Variants in MTDH observed in about 807,000 individuals in gnomAD.
MTDH encodes metadherin.
MTDH carries 34 observed loss-of-function variants against 72.7 expected under a neutral mutation model. That is an observed-to-expected ratio of 0.47 (90% CI 0.36 to 0.62). The LOEUF (loss-of-function observed/expected upper bound fraction) is 0.62, where lower values mean the gene tolerates loss of function less well. MTDH is among the 20% of genes least tolerant of loss of function. The pLI is 0.00. For synonymous variants in MTDH, 266 were observed against 268.9 expected (o/e 0.99, Z 0.10); for missense variants, 677 against 699.4 (o/e 0.97, Z 0.36).
In MTDH at chr8:97,682,245, TATATATATATATATATA is replaced by T. The variant is rs1813128338; in HGVS notation, c.484-4422_484-4406del. ...GTTAATTACTTTATATATATATATA[TATATATATATATATATA>T]TATATATATATATATATATTTTTTT... On this transcript the variant is annotated intron_variant, in intron 2 of 11. Transcript: ENST00000336273. Among the ~76,000 whole-genome samples the T allele has an allele frequency of 4.1e-4, 5 of 12,138 alleles. 1 individual carries two copies. The highest frequency in any genetic ancestry group is 1.1e-3 in the East Asian group (1 of 922). The allele number at this position is 12,138 out of a possible 152,430, so 8.0% of individuals were successfully genotyped here. A position where few individuals can be genotyped will look rare whatever the true frequency, so the allele number is the denominator to read the frequency against.
chr8:97,682,249 TATATA>T (rs1813136866), intron 2 of MTDH, among the ~76,000 whole-genome samples: 1 of 5,960 alleles, frequency 1.7e-4, no homozygotes, highest in East Asian at 4.1e-3. Flanking sequence ...TATATATATA[TATATA>T]TATATATATA....
In MTDH at chr8:97,644,624, C is replaced by G. The variant is rs1811486113; in HGVS notation, c.118C>G (p.Leu40Val). 6.2e-7 allele frequency: 1 copy of G among 1,610,196 alleles called. No individual in the cohort carries two copies. The highest frequency in any genetic ancestry group is 8.5e-7 in the Non-Finnish European group (1 of 1,179,276). The stretch of plus-strand genomic sequence containing the variant: ...TCTGCGCACCGAGCTGGGCCTCGAC[C>G]TGGGGCTGGAGCCGAAACGGTACCC... Reference protein sequence around the residue: ...GFLRTELGLDLGLEPKRYPGW... With the variant: ...GFLRTELGLDVGLEPKRYPGW... The change falls in exon 1 of 12, where the codon CTG becomes GTG. Residue 40 changes from leucine to valine, a missense_variant. Physicochemically the swap from Leu to Val is conservative, Grantham distance 32 (BLOSUM62 1). Transcript: ENST00000336273.
At chr8:97,663,403 A>G (rs995155351) in intron 2 of MTDH, among the ~76,000 whole-genome samples, 1 of 152,196 alleles carries the variant, frequency 6.6e-6, no homozygotes, top group Non-Finnish European at 1.5e-5. Flanking sequence ...AAATATACTT[A>G]CATATCTAGT....
intron 7 of MTDH, among the ~76,000 whole-genome samples, chr8:97,701,252 G>A (rs1158883042): frequency 1.3e-5 from 2 of 152,046 alleles, no homozygotes; most frequent in Non-Finnish European, 2.9e-5. Context: ...ACCCCCCTCA[G>A]GTACCAAAAT....
At chr8:97,679,550 C>G (rs1260221357) in intron 2 of MTDH, among the ~76,000 whole-genome samples, 4 of 152,064 alleles carry the variant, frequency 2.6e-5, no homozygotes, top group Non-Finnish European at 5.9e-5. Context: ...CCATTTTGAT[C>G]TTCTTACTTT....
Position 97,661,105 on chromosome 8 carries a change from G to A in MTDH, c.415G>A (p.Glu139Lys). ...NGRTVEVAEG[E>K]AVRTPQSVTA... ...GCGGACTGTTGAAGTGGCTGAGGGT[G>A]AAGCTGTTCGAACACCTCAAAGTGT... The change falls in exon 2 of 12, where the codon GAA becomes AAA. Residue 139 changes from glutamate (E) to lysine (K), a missense_variant. Physicochemically the swap from Glu to Lys is moderately conservative, Grantham distance 56. Coordinates refer to ENST00000336273, the MANE Select transcript of MTDH (RefSeq NM_178812.4). The A allele has an allele frequency of 1.2e-6, 2 of 1,613,288 alleles. No homozygotes were observed. Among genetic ancestry groups the A allele is most frequent in the Non-Finnish European group, 1.7e-6 (2 of 1,179,594 alleles).
intron 10 of MTDH, among the ~76,000 whole-genome samples, chr8:97,720,156 G>A (rs1815053378): frequency 6.6e-6 from 1 of 152,214 alleles, no homozygotes; most frequent in Non-Finnish European, 1.5e-5. Flanking sequence ...GTGGTGGCAG[G>A]CACCTGTAAT....
In MTDH at chr8:97,674,694, A is replaced by G. The variant is rs536549665; in HGVS notation, c.484-11974A>G. On this transcript the variant is annotated intron_variant, in intron 2 of 11. Transcript: ENST00000336273. ...AAAATGAAAATGTTGACACAATAGA[A>G]GTAGAAAAAACAAAAATCTCAGAAA... Among the ~76,000 whole-genome samples the G allele has an allele frequency of 9.2e-5, 14 of 152,396 alleles. No individual in the cohort carries two copies. The South Asian group carries it at 2.9e-3, about 32-fold the overall frequency.
At chr8:97,673,628 C>G (rs1455679893) in intron 2 of MTDH, among the ~76,000 whole-genome samples, 2 of 151,164 alleles carry the variant, frequency 1.3e-5, no homozygotes, top group Non-Finnish European at 2.9e-5. Flanking sequence ...CTGTTGCACT[C>G]CAGCCTGGGC....
intron 1 of MTDH, among the ~76,000 whole-genome samples, chr8:97,653,349 G>A (rs1231738955): frequency 1.3e-5 from 2 of 152,158 alleles, no homozygotes; most frequent in African/African-American, 4.8e-5. Context: ...CATGTTCCAG[G>A]ATATTAAATT....
intron 2 of MTDH, among the ~76,000 whole-genome samples, chr8:97,680,003 C>T (rs966817052): frequency 5.3e-5 from 8 of 152,118 alleles, no homozygotes; most frequent in Non-Finnish European, 5.9e-5. Flanking sequence ...CAGTATATAT[C>T]TTTGGCAGTT....
At chr8:97,662,783 CAAA>C (rs575550309) in intron 2 of MTDH, among the ~76,000 whole-genome samples, 1 of 134,620 alleles carries the variant, frequency 7.4e-6, no homozygotes, top group African/African-American at 2.8e-5. Context: ...GAGACTCTGT[CAAA>C]AAAAAAAAGA....
intron 7 of MTDH, among the ~76,000 whole-genome samples, chr8:97,700,347 G>GT (rs1162176821): frequency 2.0e-5 from 3 of 151,844 alleles, no homozygotes; most frequent in Non-Finnish European, 4.4e-5. Flanking sequence ...AAAATTATGA[G>GT]TTTTTTTTCC....
In MTDH at chr8:97,691,173, A is replaced by G. The variant is rs745903073; in HGVS notation, c.1033A>G (p.Ile345Val). The G allele has an allele frequency of 1.2e-5, 20 of 1,602,462 alleles. No individual in the cohort carries two copies. The highest frequency in any genetic ancestry group is 5.1e-5 in the Admixed American group (3 of 58,262). The change falls in exon 6 of 12, where the codon ATA (isoleucine) becomes GTA (valine). Residue 345 changes from isoleucine (I) to valine (V), a missense_variant. Physicochemically the swap from Ile to Val is conservative, Grantham distance 29. This residue lies in a region of MTDH where 467 missense variants were observed against 469.1 expected (regional missense o/e 1.00). Coordinates refer to ENST00000336273, the MANE Select transcript of MTDH (RefSeq NM_178812.4). The part of the protein sequence containing the change: ...DWGRSWSDRS[I>V]FSGIGSTAEP... ...GGGAAGGAGTTGGAGTGACCGTTCA[A>G]TATTTTCTGGCATTGGTAAGAAGTG...
At chr8:97,707,449 C>CTTTTTTTTTTTTTTTTT (rs35528230) in intron 8 of MTDH, among the ~76,000 whole-genome samples, 2 of 80,206 alleles carry the variant, frequency 2.5e-5, no homozygotes, top group Non-Finnish European at 2.1e-5. Flanking sequence ...CATGCCTGGC[C>CTTTTTTTTTTTTTTTTT]TTTTTTTTTT....
intron 11 of MTDH, among the ~76,000 whole-genome samples, chr8:97,723,962 G>C (rs1019307509): frequency 2.0e-5 from 3 of 151,740 alleles, no homozygotes; most frequent in Non-Finnish European, 2.9e-5. Flanking sequence ...ACAAAAATTA[G>C]CTGGGTGTGC....
chr8:97,661,356 G>A (rs1354079159), intron 2 of MTDH, among the ~76,000 whole-genome samples, 183 bp downstream of exon 2: 1 of 151,944 alleles, frequency 6.6e-6, no homozygotes, highest in Non-Finnish European at 1.5e-5. Flanking sequence ...TTTTTTTAAA[G>A]GAAAGTTGCA....
At chr8:97,649,039 C>T (rs1811668280) in intron 1 of MTDH, among the ~76,000 whole-genome samples, 1 of 152,086 alleles carries the variant, frequency 6.6e-6, no homozygotes, top group Non-Finnish European at 1.5e-5. Context: ...TATACCTTTT[C>T]TATGTTTAGA....
At chr8:97,713,908 C>A in intron 9 of MTDH, 139 bp downstream of exon 9, 1 of 448,434 alleles carries the variant, frequency 2.2e-6, no homozygotes, top group African/African-American at 2.0e-5. Flanking sequence ...GACTGTTTTA[C>A]ATATTCAATA....
Sources: gnomAD v4.1 joint callset for allele counts (sites outside exome capture counted in the v4.1 genomes callset) on GRCh38, gnomAD v4.1.1 for gene constraint, gnomAD v4.1.1 regional missense constraint, MANE v1.5 for transcripts, NCBI Gene and HGNC (gene_info 2026-07-23, HGNC 2026-07-21) for gene names.